Variants in AGBL4 observed in about 807,000 individuals in gnomAD.
AGBL4 encodes cytosolic carboxypeptidase 6.
Under a neutral mutation model 66.4 loss-of-function variants are expected in AGBL4, and 58 were observed. The ratio of observed to expected loss-of-function variants is 0.87; its 90% CI spans 0.71 to 1.09. AGBL4 has a LOEUF of 1.09. Ranked by LOEUF, AGBL4 falls within the 50% of genes least tolerant of loss-of-function variation. AGBL4 has a pLI of 0.00. For synonymous variants in AGBL4, 234 were observed against 222.9 expected, an observed-to-expected ratio of 1.05 and a Z score of -0.44; for missense variants, 579 against 631.0, an observed-to-expected ratio of 0.92 and a Z score of 0.88.
intron 2 of AGBL4, among the ~76,000 whole-genome samples, chr1:49,782,866 CTT>C (rs1224702425): frequency 6.6e-6 from 1 of 152,132 alleles, no homozygotes; most frequent in East Asian, 1.9e-4. Context: ...GCCCCTCAAT[CTT>C]GGACTTTCCA....
intron 2 of AGBL4, among the ~76,000 whole-genome samples, chr1:49,701,604 A>C (rs965835893): frequency 6.6e-6 from 1 of 152,102 alleles, no homozygotes; most frequent in Non-Finnish European, 1.5e-5. Flanking sequence ...AAATAAACCC[A>C]AAGAAAGCAG....
chr1:48,856,805 A>C (rs1010941497), intron 6 of AGBL4, among the ~76,000 whole-genome samples: 5 of 152,212 alleles, frequency 3.3e-5, no homozygotes, highest in Non-Finnish European at 7.3e-5. Context: ...ATTTTAGGAA[A>C]TCAATTGTAT....
intron 1 of AGBL4, among the ~76,000 whole-genome samples, chr1:49,999,216 T>C (rs1306325810): frequency 6.6e-6 from 1 of 151,564 alleles, no homozygotes; most frequent in Non-Finnish European, 1.5e-5. Context: ...AACTGATAAA[T>C]GAATTCAGCA....
intron 6 of AGBL4, among the ~76,000 whole-genome samples, chr1:48,684,049 C>A (rs1447713187): frequency 6.6e-6 from 1 of 152,208 alleles, no homozygotes; most frequent in Non-Finnish European, 1.5e-5. Context: ...GCTGCCTAGG[C>A]CACTGCGTAT....
At chr1:49,966,662 A>G (rs1657590485) in intron 1 of AGBL4, among the ~76,000 whole-genome samples, 1 of 152,114 alleles carries the variant, frequency 6.6e-6, no homozygotes, top group Non-Finnish European at 1.5e-5. Flanking sequence ...TGGGAGTGAG[A>G]AAGAGGATGA....
chr1:49,274,627 C>A (rs1054419968), intron 3 of AGBL4, among the ~76,000 whole-genome samples: 1 of 152,008 alleles, frequency 6.6e-6, no homozygotes, highest in Non-Finnish European at 1.5e-5. Flanking sequence ...AGATACAGTA[C>A]AAAATTTGCT....
chr1:49,248,184 T>C (rs542572076), intron 3 of AGBL4, among the ~76,000 whole-genome samples: 28 of 152,316 alleles, frequency 1.8e-4, no homozygotes, highest in African/African-American at 6.5e-4. Flanking sequence ...AGATGTGGCA[T>C]CCATAAGATA....
chr1:49,844,741 T>C lies in AGBL4; in HGVS notation c.157+6655A>G, dbSNP rs1646092367. The C allele has an allele frequency of 3.1e-6, 5 of 1,599,984 alleles. No individual in the cohort carries two copies. In the East Asian group the frequency reaches 1.1e-4, roughly 36 times the overall value. On this transcript the variant is annotated intron_variant, in intron 2 of 13. Transcript: ENST00000371839. ...ACTGTCAGTTCTAAAGCAACGTATC[T>C]CTGAAGAAATATCCAACAATGTCAT...
intron 4 of AGBL4, among the ~76,000 whole-genome samples, chr1:49,118,543 G>A (rs1645581324): frequency 6.6e-6 from 1 of 152,212 alleles, no homozygotes; most frequent in Admixed American, 6.5e-5. Flanking sequence ...TCCCAGGGAT[G>A]AAGCTGACTT....
intron 5 of AGBL4, among the ~76,000 whole-genome samples, chr1:48,999,040 G>T (rs1661210847): frequency 6.6e-6 from 1 of 152,212 alleles, no homozygotes; most frequent in South Asian, 2.1e-4. Flanking sequence ...TCCTTTTGGA[G>T]TTGTTTTACT....
chr1:49,086,231 A>G (rs1395625791), intron 4 of AGBL4, among the ~76,000 whole-genome samples: 5 of 152,098 alleles, frequency 3.3e-5, no homozygotes, highest in Non-Finnish European at 4.4e-5. Context: ...CATTGCCCTG[A>G]GAAATAGTCA....
At chr1:49,090,736 A>G (rs575922013) in intron 4 of AGBL4, among the ~76,000 whole-genome samples, 1 of 152,252 alleles carries the variant, frequency 6.6e-6, no homozygotes, top group Admixed American at 6.5e-5. Flanking sequence ...GAAAAAAACT[A>G]TTTTAAAATT....
rs540329396 is a variant in AGBL4 at position 49,379,815 on chromosome 1, A to G, written c.283-133951T>C. On this transcript the variant is annotated intron_variant, in intron 3 of 13. Coordinates refer to ENST00000371839, the MANE Select transcript of AGBL4 (RefSeq NM_032785.4). ...ATTGAGGATTTTTGCATCAATGTTC[A>G]TCAAGGATATTGGTCTAAAATTCTC... Among the ~76,000 whole-genome samples the G allele has an allele frequency of 4.6e-5, 7 of 152,122 alleles. No individual in the cohort carries two copies. In the East Asian group the frequency reaches 1.2e-3, roughly 25 times the overall value.
At chr1:49,590,058 T>A (rs1644723385) in intron 3 of AGBL4, among the ~76,000 whole-genome samples, 2 of 152,082 alleles carry the variant, frequency 1.3e-5, no homozygotes, top group African/African-American at 4.8e-5. Context: ...AAACAAAAAT[T>A]GTTTTTAAAT....
At chr1:49,844,973 T>A in intron 2 of AGBL4, 1 of 1,383,188 alleles carries the variant, frequency 7.2e-7, no homozygotes, top group Non-Finnish European at 1.0e-6. Flanking sequence ...CATCAACCAA[T>A]GACTCCTGAA....
chr1:49,973,923 T>C (rs559860501), intron 1 of AGBL4, among the ~76,000 whole-genome samples: 1 of 151,962 alleles, frequency 6.6e-6, no homozygotes, highest in African/African-American at 2.4e-5. Context: ...GGAGAAATAA[T>C]AATTATTTAT....
chr1:48,911,904 T>C (rs1653161139), intron 5 of AGBL4, among the ~76,000 whole-genome samples: 1 of 152,242 alleles, frequency 6.6e-6, no homozygotes, highest in African/African-American at 2.4e-5. Flanking sequence ...CTACTTATTT[T>C]ATTCATCTTC....
intron 4 of AGBL4, among the ~76,000 whole-genome samples, chr1:49,088,367 C>T (rs1644944180): frequency 6.6e-6 from 1 of 152,066 alleles, no homozygotes; most frequent in African/African-American, 2.4e-5. Context: ...TATGCAATAA[C>T]ACCCATAGCC....
chr1:49,783,437 A>G (rs1283429224), intron 2 of AGBL4, among the ~76,000 whole-genome samples: 1 of 152,172 alleles, frequency 6.6e-6, no homozygotes, highest in Non-Finnish European at 1.5e-5. Flanking sequence ...ATTGCAATAG[A>G]TGCATAAAAA....
Sources: gnomAD v4.1 joint callset for allele counts (sites outside exome capture counted in the v4.1 genomes callset) on GRCh38, gnomAD v4.1.1 for gene constraint, MANE v1.5 for transcripts, NCBI Gene and HGNC (gene_info 2026-07-23, HGNC 2026-07-21) for gene names.